DCC: variants seen among roughly 807,000 people sequenced by gnomAD.
The protein encoded by DCC is netrin receptor DCC.
In DCC, 58 loss-of-function variants were observed where a neutral mutation model predicts 172.5. The observed-to-expected ratio is 0.34, with a 90% CI of 0.27 to 0.42. DCC has a LOEUF of 0.42. DCC is among the 10% of genes least tolerant of loss of function. DCC has a pLI of 1.00. For missense variants in DCC, 1,740 were observed against 1,791.0 expected, an observed-to-expected ratio of 0.97 and a Z score of 0.51; for synonymous variants, 709 against 644.5, an observed-to-expected ratio of 1.10 and a Z score of -1.52.
intron 22 of DCC, among the ~76,000 whole-genome samples, chr18:53,443,580 CT>C (rs1797484962): frequency 6.6e-6 from 1 of 152,158 alleles, no homozygotes; most frequent in Non-Finnish European, 1.5e-5. Flanking sequence ...ATGAGTCATG[CT>C]TTCAAGTCTT....
chr18:53,351,292 T>TATAC (rs2057789949), intron 15 of DCC, among the ~76,000 whole-genome samples: 1 of 2,796 alleles, frequency 3.6e-4, no homozygotes, highest in Non-Finnish European at 6.9e-4. Flanking sequence ...TTGAGTACAG[T>TATAC]ATATATATAT....
chr18:53,524,754 G>A (rs934100450), intron 27 of DCC, among the ~76,000 whole-genome samples: 3 of 151,948 alleles, frequency 2.0e-5, no homozygotes, highest in Non-Finnish European at 4.4e-5. Flanking sequence ...CATGTAAATT[G>A]GATGGGCTAG....
intron 5 of DCC, among the ~76,000 whole-genome samples, chr18:53,032,371 G>A (rs563010075): frequency 6.6e-6 from 1 of 152,150 alleles, no homozygotes; most frequent in African/African-American, 2.4e-5. Context: ...TGATTTCTTT[G>A]TTGTCAGCTC....
intron 15 of DCC, among the ~76,000 whole-genome samples, chr18:53,354,769 T>C (rs1194699523): frequency 2.8e-5 from 4 of 143,714 alleles, no homozygotes; most frequent in Admixed American, 6.8e-5. Flanking sequence ...TTAATTAGAT[T>C]CCATTTGTCA....
intron 22 of DCC, among the ~76,000 whole-genome samples, chr18:53,443,782 C>G (rs975511735): frequency 6.6e-6 from 1 of 152,166 alleles, no homozygotes; most frequent in African/African-American, 2.4e-5. Context: ...GGAATAGATT[C>G]CAATAAGGAG....
At chr18:53,348,675 ATTCTTGAC>A (rs2057752995) in intron 15 of DCC, among the ~76,000 whole-genome samples, 1 of 152,090 alleles carries the variant, frequency 6.6e-6, no homozygotes, top group Admixed American at 6.6e-5. Flanking sequence ...CCAAACCCCA[ATTCTTGAC>A]TTCTGTGCAC....
At chr18:53,351,307 ATATATATACAC>A (rs2057792901) in intron 15 of DCC, among the ~76,000 whole-genome samples, 1 of 31,938 alleles carries the variant, frequency 3.1e-5, no homozygotes, top group East Asian at 9.7e-4. Flanking sequence ...ATATATATAT[ATATATATACAC>A]TGTATATATA....
At chr18:53,135,473 A>G (rs954334220) in intron 7 of DCC, among the ~76,000 whole-genome samples, 1 of 152,190 alleles carries the variant, frequency 6.6e-6, no homozygotes, top group Non-Finnish European at 1.5e-5. Context: ...TACACTCCTT[A>G]TCCCACATCT....
At chr18:53,503,341 T>C (rs2046127890) in intron 27 of DCC, among the ~76,000 whole-genome samples, 2 of 152,182 alleles carry the variant, frequency 1.3e-5, no homozygotes. Context: ...AAAATGTAAC[T>C]TACAAGACTC....
At chr18:53,319,971 C>T (rs193201425) in intron 13 of DCC, among the ~76,000 whole-genome samples, 1 of 151,958 alleles carries the variant, frequency 6.6e-6, no homozygotes, top group Non-Finnish European at 1.5e-5. Context: ...CTGACCATCA[C>T]AGAGGATATT....
chr18:53,112,718 A>C (rs1180214030), intron 7 of DCC, among the ~76,000 whole-genome samples: 2 of 151,450 alleles, frequency 1.3e-5, no homozygotes, highest in African/African-American at 2.4e-5. Flanking sequence ...CCCACCATAG[A>C]TTCCATATTG....
chr18:53,215,428 C>T, intron 11 of DCC, 120 bp from the exon 12 acceptor site: 1 of 835,492 alleles, frequency 1.2e-6, no homozygotes, highest in Non-Finnish European at 2.1e-6. Context: ...CCTGGGTTAA[C>T]CTACCTAATT....
At chr18:53,006,124 A>G (rs190148173) in intron 5 of DCC, among the ~76,000 whole-genome samples, 10 of 152,278 alleles carry the variant, frequency 6.6e-5, no homozygotes, top group Admixed American at 2.6e-4. Context: ...TTTCATGCTC[A>G]TTTTCTTTAT....
chr18:53,039,793 T>C (rs2042144268), intron 5 of DCC, among the ~76,000 whole-genome samples: 1 of 152,020 alleles, frequency 6.6e-6, no homozygotes, highest in African/African-American at 2.4e-5. Context: ...ATGGATCCTT[T>C]TCACTTTTCC....
chr18:52,679,995 G>GA (rs75799948), intron 1 of DCC, among the ~76,000 whole-genome samples: 3,409 of 151,642 alleles, frequency 0.022, 66 homozygotes, highest in East Asian at 0.094. Flanking sequence ...CCACTGGAAA[G>GA]AAAAAAAACT....
At chr18:53,253,816 ATT>A (rs2056472024) in intron 12 of DCC, among the ~76,000 whole-genome samples, 1 of 152,056 alleles carries the variant, frequency 6.6e-6, no homozygotes. Flanking sequence ...TGACATTTTT[ATT>A]TACCTTAGTA....
intron 7 of DCC, among the ~76,000 whole-genome samples, chr18:53,141,738 A>G (rs765481062): frequency 2.4e-4 from 37 of 152,114 alleles, no homozygotes; most frequent in Non-Finnish European, 5.0e-4. Context: ...ACATTGTTCT[A>G]CTGCTCACTT....
chr18:53,138,191 C>T (rs1010804737), intron 7 of DCC, among the ~76,000 whole-genome samples: 6 of 151,918 alleles, frequency 3.9e-5, no homozygotes, highest in Admixed American at 3.9e-4. Flanking sequence ...CTCTCAGGAC[C>T]CTACCTATTG....
chr18:52,404,420 C>T (rs1434019041), intron 1 of DCC, among the ~76,000 whole-genome samples: 3 of 149,734 alleles, frequency 2.0e-5, no homozygotes, highest in Admixed American at 1.3e-4. Flanking sequence ...AAATGATGTA[C>T]GCTGACTGTG....
Sources: allele counts gnomAD v4.1 joint callset (sites outside exome capture counted in the v4.1 genomes callset), GRCh38; gene constraint gnomAD v4.1.1; transcripts MANE v1.5; gene names NCBI Gene and HGNC (gene_info 2026-07-23, HGNC 2026-07-21).